TANC1: variants seen among roughly 807,000 people sequenced by gnomAD.
The protein encoded by TANC1 is protein TANC1.
TANC1 carries 77 observed loss-of-function variants against 149.7 expected under a neutral mutation model. The ratio of observed to expected loss-of-function variants is 0.51; its 90% confidence interval spans 0.43 to 0.62. The LOEUF is 0.62. Ranked by LOEUF, TANC1 falls within the 20% of genes least tolerant of loss-of-function variation. The pLI is 0.00. For synonymous variants in TANC1, 854 were observed against 925.0 expected (o/e 0.92, Z 1.39); for missense variants, 1,985 against 2,321.8 (o/e 0.85, Z 2.98).
At chr2:159,160,132 A>G (rs1384487006) in intron 7 of TANC1, among the ~76,000 whole-genome samples, 1 of 152,212 alleles carries the variant, frequency 6.6e-6, no homozygotes, top group Admixed American at 6.5e-5. Context: ...TATAAAATTT[A>G]AGGCCTGATA....
intron 18 of TANC1, among the ~76,000 whole-genome samples, 196 bp downstream of exon 18, chr2:159,196,989 G>A (rs140401610): frequency 2.0e-5 from 3 of 152,294 alleles, no homozygotes; most frequent in Non-Finnish European, 2.9e-5. Context: ...CACGTGATGG[G>A]GACAGGCAGG....
At position 159,072,113 on chromosome 2, in the gene TANC1, C is replaced by G. The variant is rs552374265; in HGVS notation, c.61+6142C>G. On this transcript the variant is annotated intron_variant, in intron 3 of 26. Transcript: ENST00000263635. Reference sequence around the variant, plus strand: ...TTTCCTGCCCAAGCCTCCCAAGTACCTGGGATTACAGGCATGTGCCACCAC... The same window carrying G: ...TTTCCTGCCCAAGCCTCCCAAGTACGTGGGATTACAGGCATGTGCCACCAC... 2.0e-5 allele frequency among the ~76,000 whole-genome samples: 3 copies of G among 152,272 alleles called. No homozygotes were observed. The East Asian group carries it at 5.8e-4, about 29-fold the overall frequency.
At chr2:159,128,081 A>T (rs1345404272) in intron 4 of TANC1, among the ~76,000 whole-genome samples, 1 of 152,246 alleles carries the variant, frequency 6.6e-6, no homozygotes, top group African/African-American at 2.4e-5. Flanking sequence ...CTTCACTATC[A>T]GCAGGTGACA....
chr2:159,198,870 T>G, intron 18 of TANC1, 105 bp from the exon 19 acceptor site: 4 of 752,640 alleles, frequency 5.3e-6, no homozygotes, highest in Non-Finnish European at 9.3e-6. Flanking sequence ...TTGGGCAGTG[T>G]GAGATAATGG....
intron 19 of TANC1, among the ~76,000 whole-genome samples, chr2:159,212,040 T>A (rs1239058930): frequency 6.6e-6 from 1 of 152,280 alleles, no homozygotes; most frequent in Non-Finnish European, 1.5e-5. Flanking sequence ...TGCTGGACTG[T>A]CATTTCTGAT....
chr2:159,185,189 G>T (rs2056859754), intron 14 of TANC1, among the ~76,000 whole-genome samples: 1 of 152,194 alleles, frequency 6.6e-6, no homozygotes, highest in Non-Finnish European at 1.5e-5. Context: ...TGGCTCAAAG[G>T]CATGGGATCC....
chr2:159,101,748 T>C (rs939010977), intron 4 of TANC1, among the ~76,000 whole-genome samples: 7 of 152,230 alleles, frequency 4.6e-5, no homozygotes, highest in Non-Finnish European at 1.0e-4. Flanking sequence ...GTAATATCAT[T>C]AGATACTTTA....
intron 19 of TANC1, 67 bp downstream of exon 19, chr2:159,199,120 A>C (rs1044960143): frequency 2.4e-6 from 3 of 1,246,990 alleles, no homozygotes; most frequent in Non-Finnish European, 3.5e-6. Flanking sequence ...ATTTTGGCCT[A>C]ATTGTCTTAA....
intron 5 of TANC1, among the ~76,000 whole-genome samples, chr2:159,140,767 T>G (rs2051277310): frequency 6.9e-6 from 1 of 145,984 alleles, no homozygotes; most frequent in African/African-American, 2.5e-5. Flanking sequence ...CTCGGCTCAC[T>G]GCAACCTCTG....
At chr2:158,980,955 T>G (rs1488316606) in intron 1 of TANC1, among the ~76,000 whole-genome samples, 5 of 152,294 alleles carry the variant, frequency 3.3e-5, no homozygotes, top group Non-Finnish European at 5.9e-5. Context: ...TCCTGACTTT[T>G]CTGGGTTGTC....
chr2:159,047,171 T>C (rs2149567575), intron 2 of TANC1, among the ~76,000 whole-genome samples: 1 of 148,110 alleles, frequency 6.8e-6, no homozygotes, highest in Admixed American at 6.8e-5. Context: ...AATCAGGATA[T>C]CCAAACTGAA....
intron 14 of TANC1, among the ~76,000 whole-genome samples, chr2:159,182,847 A>G (rs1233085423): frequency 6.6e-6 from 1 of 152,230 alleles, no homozygotes; most frequent in African/African-American, 2.4e-5. Flanking sequence ...TTGCACAGGA[A>G]GTCTCATCTG....
At chr2:159,060,461 A>G (rs1458507150) in intron 2 of TANC1, among the ~76,000 whole-genome samples, 1 of 152,212 alleles carries the variant, frequency 6.6e-6, no homozygotes, top group Non-Finnish European at 1.5e-5. Flanking sequence ...TTCCTCCCTA[A>G]TATCTCATTG....
intron 3 of TANC1, among the ~76,000 whole-genome samples, 172 bp downstream of exon 3, chr2:159,066,143 C>T (rs2042642577): frequency 6.6e-6 from 1 of 152,186 alleles, no homozygotes; most frequent in Admixed American, 6.5e-5. Context: ...CATGGTGACC[C>T]ACACCTGTAA....
At chr2:159,186,211 T>G (rs1305881107) in intron 15 of TANC1, among the ~76,000 whole-genome samples, 10 of 152,332 alleles carry the variant, frequency 6.6e-5, no homozygotes, top group African/African-American at 9.6e-5. Context: ...CATTACTTTT[T>G]GTTTCCTTAT....
chr2:158,985,674 C>T (rs957633347), intron 1 of TANC1, among the ~76,000 whole-genome samples: 8 of 151,972 alleles, frequency 5.3e-5, no homozygotes, highest in African/African-American at 1.9e-4. Flanking sequence ...GACAGAGTCT[C>T]GCTTTGTTGC....
chr2:159,115,171 GGTGTGTGT>G (rs68140748), intron 4 of TANC1, among the ~76,000 whole-genome samples: 26 of 149,716 alleles, frequency 1.7e-4, no homozygotes, highest in Non-Finnish European at 3.0e-4. Flanking sequence ...AGCTGGTAAG[GGTGTGTGT>G]GTGTGTGTGT....
chr2:159,194,350 G>T lies in TANC1; in HGVS notation c.2836G>T (p.Gly946Cys). 6.2e-7 allele frequency: 1 copy of T among 1,614,270 alleles called. No homozygotes were observed. Among genetic ancestry groups the T allele is most frequent in the Non-Finnish European group, 8.5e-7 (1 of 1,180,056 alleles). ...APILCVQSHL[G>C]HEEVVTLLLE... Reference sequence around the variant, plus strand: ...AATCCTGTGCGTCCAGTCTCACCTTGGCCACGAGGAAGTTGTCACTCTGCT... The same window carrying T: ...AATCCTGTGCGTCCAGTCTCACCTTTGCCACGAGGAAGTTGTCACTCTGCT... Residue 946 changes from glycine to cysteine, a missense_variant, in exon 17 of 27, where the codon GGC (glycine) becomes TGC (cysteine). Physicochemically the swap from Gly to Cys is radical, Grantham distance 159. Transcript: ENST00000263635.
intron 5 of TANC1, among the ~76,000 whole-genome samples, chr2:159,145,317 C>T (rs759335915): frequency 1.3e-5 from 2 of 152,162 alleles, no homozygotes; most frequent in East Asian, 1.9e-4. Context: ...AGAAAATAAT[C>T]GCAAGGAAGT....
Sources: gnomAD v4.1 joint callset for allele counts (sites outside exome capture counted in the v4.1 genomes callset) on GRCh38, gnomAD v4.1.1 for gene constraint, MANE v1.5 for transcripts, NCBI Gene and HGNC (gene_info 2026-07-23, HGNC 2026-07-21) for gene names.